The following HVCN1 variants were observed in gnomAD, a reference collection of about 807,000 sequenced individuals.
HVCN1 encodes the protein voltage-gated hydrogen channel 1.
HVCN1 carries 14 observed loss-of-function variants against 29.2 expected under a neutral mutation model. That is an observed-to-expected ratio of 0.48 (90% confidence interval 0.32 to 0.75). The LOEUF (loss-of-function observed/expected upper bound fraction) is 0.75. Among genes scored for constraint, HVCN1 ranks in the 30% least tolerant of loss-of-function variants. The pLI is 0.04. For synonymous variants in HVCN1, 131 were observed against 133.2 expected, an observed-to-expected ratio of 0.98 and a Z score of 0.11; for missense variants, 263 against 341.8, an observed-to-expected ratio of 0.77 and a Z score of 1.82.
At chr12:110,651,905 C>T (rs933219028) in intron 5 of HVCN1, among the ~76,000 whole-genome samples, 6 of 152,166 alleles carry the variant, frequency 3.9e-5, no homozygotes, top group Admixed American at 1.3e-4. Flanking sequence ...TGTGGTGGCT[C>T]GAGCCAATAG....
intron 3 of HVCN1, among the ~76,000 whole-genome samples, chr12:110,662,070 G>C (rs1358134429): frequency 2.0e-5 from 3 of 152,198 alleles, no homozygotes; most frequent in Non-Finnish European, 4.4e-5. Context: ...GAAATGTATA[G>C]GTATGAGTGC....
At chr12:110,685,865 G>A (rs1275879132) in intron 2 of HVCN1, among the ~76,000 whole-genome samples, 1 of 151,962 alleles carries the variant, frequency 6.6e-6, no homozygotes, top group African/African-American at 2.4e-5. Context: ...AATTTTTGTA[G>A]AAAGGGGGGT....
chr12:110,701,081 A>G (rs534940590), intron 2 of HVCN1, among the ~76,000 whole-genome samples: 92 of 152,350 alleles, frequency 6.0e-4, no homozygotes, highest in African/African-American at 2.2e-3. Context: ...GGATGGAGAA[A>G]CAGAGGCCGC....
Position 110,661,256 on chromosome 12 carries a change from G to A in HVCN1, c.214C>T (p.Pro72Ser), listed in dbSNP as rs773718534. 7 of 1,614,140 alleles carry A rather than the reference G, an allele frequency of 4.3e-6. No individual in the cohort carries two copies. Among genetic ancestry groups the A allele is most frequent in the South Asian group, 1.1e-5 (1 of 91,086 alleles). Reference protein sequence around the residue: ...VSGEEGRAAAPDVAPAPGPAP... With the variant: ...VSGEEGRAAASDVAPAPGPAP... ...GGGCCAGGGGCAGGGGCAACGTCAGGGGCTGCAGCTCTGCCTTCCTCGCCT... is the reference window on the plus strand; with the variant it reads ...GGGCCAGGGGCAGGGGCAACGTCAGAGGCTGCAGCTCTGCCTTCCTCGCCT... Residue 72 changes from proline to serine, a missense_variant, in exon 4 of 8, where the codon CCT (proline) becomes TCT (serine). Pro to Ser is a moderately conservative substitution (Grantham distance 74). This residue lies in a region of HVCN1 where 157 missense variants were observed against 181.3 expected (regional missense o/e 0.87). Transcript: ENST00000242607. The surrounding 1 kb of genome is among the most constrained non-coding windows in gnomAD (Gnocchi z 6.2).
chr12:110,677,159 C>T (rs1013988745), intron 3 of HVCN1, among the ~76,000 whole-genome samples: 4 of 151,928 alleles, frequency 2.6e-5, no homozygotes, highest in South Asian at 2.1e-4. Context: ...AAGCTGTGAT[C>T]GTGTCACTGC....
intron 3 of HVCN1, among the ~76,000 whole-genome samples, chr12:110,675,188 G>A (rs772652804): frequency 1.3e-5 from 2 of 152,264 alleles, no homozygotes; most frequent in Non-Finnish European, 2.9e-5. Flanking sequence ...GCTGGGTGCG[G>A]TGGCTCATAC....
chr12:110,654,566 C>T (rs992552330), intron 5 of HVCN1, among the ~76,000 whole-genome samples: 1 of 150,928 alleles, frequency 6.6e-6, no homozygotes, highest in African/African-American at 2.4e-5. Flanking sequence ...GCAGCCTCCG[C>T]CTCTGGGGTT....
At chr12:110,668,514 A>G (rs1333011791) in intron 3 of HVCN1, among the ~76,000 whole-genome samples, 2 of 152,054 alleles carry the variant, frequency 1.3e-5, no homozygotes, top group Admixed American at 1.3e-4. Flanking sequence ...AGAAAACAAA[A>G]CAAAAAACCC....
chr12:110,695,430 C>T (rs1286124618), intron 2 of HVCN1, among the ~76,000 whole-genome samples: 1 of 151,766 alleles, frequency 6.6e-6, no homozygotes, highest in Non-Finnish European at 1.5e-5. Context: ...GTGGTGCATG[C>T]CTGTATTCCC....
At chr12:110,683,617 G>C (rs2069067424) in intron 2 of HVCN1, among the ~76,000 whole-genome samples, 1 of 152,122 alleles carries the variant, frequency 6.6e-6, no homozygotes, top group African/African-American at 2.4e-5. Flanking sequence ...GCCATAAAAA[G>C]AAATGAAGGG....
At chr12:110,704,366 G>C (rs561220065) in intron 1 of HVCN1, among the ~76,000 whole-genome samples, 1 of 152,178 alleles carries the variant, frequency 6.6e-6, no homozygotes, top group East Asian at 1.9e-4. Context: ...AAAATAGTGT[G>C]GGCCAGGCAT....
intron 2 of HVCN1, among the ~76,000 whole-genome samples, chr12:110,699,470 C>T (rs2069540268): frequency 6.6e-6 from 1 of 152,076 alleles, no homozygotes; most frequent in African/African-American, 2.4e-5. Context: ...GCCCCACTGC[C>T]TTCCAGCCGT....
At chr12:110,698,238 G>A (rs1044059095) in intron 2 of HVCN1, among the ~76,000 whole-genome samples, 5 of 152,146 alleles carry the variant, frequency 3.3e-5, no homozygotes, top group Non-Finnish European at 4.4e-5. Flanking sequence ...AGCTTCAAGC[G>A]ATCCTCCCGT....
intron 2 of HVCN1, among the ~76,000 whole-genome samples, chr12:110,700,136 G>A (rs1305477678): frequency 6.6e-6 from 1 of 152,246 alleles, no homozygotes; most frequent in African/African-American, 2.4e-5. Context: ...ATGAACAAAG[G>A]AGACAGGAAT....
In HVCN1 at chr12:110,661,108, A is replaced by G. The variant is rs2068152723; in HGVS notation, c.306+56T>C. On this transcript the variant is annotated intron_variant, in intron 4 of 7. Coordinates refer to ENST00000242607, the MANE Select transcript of HVCN1 (RefSeq NM_032369.4). The surrounding 1 kb of genome is among the most constrained non-coding windows in gnomAD (Gnocchi z 6.2). The stretch of plus-strand genomic sequence containing the variant: ...GGCTCAGCCTGGCCGCCTGCCTCAC[A>G]TTCCCCGATGGCTCTCCTGCCAGCT... The G allele has an allele frequency of 6.6e-7, 1 of 1,521,976 alleles. No individual in the cohort carries two copies. Among genetic ancestry groups the G allele is most frequent in the African/African-American group, 1.4e-5 (1 of 72,356 alleles). 94.3% of individuals were successfully genotyped at this position (1,521,976 alleles called of 1,614,324 possible). A position where few individuals can be genotyped will look rare whatever the true frequency, so the allele number is the denominator to read the frequency against.
intron 3 of HVCN1, among the ~76,000 whole-genome samples, chr12:110,670,638 CT>C (rs1320401545): frequency 3.3e-5 from 5 of 152,288 alleles, no homozygotes; most frequent in South Asian, 4.1e-4. Context: ...GGATCTGCCC[CT>C]GGGCTCCATG....
exon 1 of HVCN1, chr12:110,704,887 C>G (rs983177011): frequency 1.3e-5 from 2 of 152,198 alleles, no homozygotes; most frequent in Non-Finnish European, 2.9e-5. Context: ...CTTTTGGCCC[C>G]GATGCAGTGG....
Position 110,658,996 on chromosome 12 carries a change from A to G in HVCN1, c.306+2168T>C, listed in dbSNP as rs2068078057. Among the ~76,000 whole-genome samples, 1 of 152,220 alleles carries G rather than the reference A, an allele frequency of 6.6e-6. No homozygotes were observed. Among genetic ancestry groups the G allele is most frequent in the African/African-American group, 2.4e-5 (1 of 41,462 alleles). On this transcript the variant is annotated intron_variant, in intron 4 of 7. Coordinates refer to ENST00000242607, the MANE Select transcript of HVCN1 (RefSeq NM_032369.4). The surrounding 1 kb of genome is among the most constrained non-coding windows in gnomAD (Gnocchi z 5.0). ...GCCCAGGGCTCCCCTTGCAGCTGCA[A>G]GGAAGCTGTTTCCTTCCTTCTGCTC...
chr12:110,652,020 G>A (rs1397643937), intron 5 of HVCN1, among the ~76,000 whole-genome samples: 1 of 152,210 alleles, frequency 6.6e-6, no homozygotes, highest in African/African-American at 2.4e-5. Context: ...CTGAATGAAT[G>A]AATGAATGGA....
Sources: gnomAD v4.1 joint callset for allele counts (sites outside exome capture counted in the v4.1 genomes callset) on GRCh38, gnomAD v4.1.1 for gene constraint, gnomAD v4.1.1 regional missense constraint, Gnocchi (gnomAD v3.1) non-coding constraint, MANE v1.5 for transcripts, NCBI Gene and HGNC (gene_info 2026-07-23, HGNC 2026-07-21) for gene names.